The following C6orf163 variants were observed in gnomAD, a reference collection of about 807,000 sequenced individuals.
C6orf163 encodes the protein chromosome 6 open reading frame 163.
C6orf163 carries 22 observed loss-of-function variants against 28.4 expected under a neutral mutation model. The observed-to-expected ratio is 0.78, with a 90% confidence interval of 0.55 to 1.11. The LOEUF (loss-of-function observed/expected upper bound fraction) is 1.11, where lower values mean the gene tolerates loss of function less well. Among genes scored for constraint, C6orf163 ranks in the 50% least tolerant of loss-of-function variants. The pLI, the probability that C6orf163 is intolerant of heterozygous loss-of-function variation, is 0.00. For synonymous variants in C6orf163, 110 were observed against 123.6 expected (o/e 0.89, Z 0.73); for missense variants, 342 against 389.1 (o/e 0.88, Z 1.02).
rs1238954744 is a variant in C6orf163 at position 87,348,900 on chromosome 6, G to T, written c.237G>T (p.Trp79Cys). Residue 79 changes from tryptophan (W) to cysteine (C), a missense_variant, in exon 2 of 5, where the codon TGG (tryptophan) becomes TGT (cysteine). Transcript: ENST00000388923. Reference protein sequence around the residue: ...EHIAKAEAEVWAQANERQKQA... With the variant: ...EHIAKAEAEVCAQANERQKQA... ...TTGCGAAAGCAGAAGCTGAAGTATG[G>T]GCTCAGGTAAAAGAAGTTACATGTC... 6.5e-7 allele frequency: 1 copy of T among 1,537,020 alleles called. No individual in the cohort carries two copies. Among genetic ancestry groups the T allele is most frequent in the Non-Finnish European group, 8.7e-7 (1 of 1,146,832 alleles).
In C6orf163 at chr6:87,348,816, TGGG is replaced by T; in HGVS notation, c.155_157del (p.Gly52del). The T allele has an allele frequency of 6.5e-7, 1 of 1,537,250 alleles. No homozygotes were observed. The highest frequency in any genetic ancestry group is 8.7e-7 in the Non-Finnish European group (1 of 1,146,854). On this transcript the variant is annotated inframe_deletion, in exon 2 of 5. Transcript: ENST00000388923. ...CATTGCTCTTCAAATACACAGATAT[TGGG>T]GCAAATATTCTGAAAAAAGAAGAGC... is the stretch of plus-strand genomic sequence containing the variant.
At chr6:87,360,886 T>A (rs1777570790) in intron 4 of C6orf163, among the ~76,000 whole-genome samples, 1 of 152,076 alleles carries the variant, frequency 6.6e-6, no homozygotes, top group Non-Finnish European at 1.5e-5. Flanking sequence ...CAAAGATAAA[T>A]GGTCATTGCA....
At chr6:87,356,609 GT>G in intron 4 of C6orf163, 106 bp downstream of exon 4, 2 of 1,012,216 alleles carry the variant, frequency 2.0e-6, no homozygotes, top group South Asian at 1.7e-5. Context: ...CAGTTTTTGT[GT>G]TTTTACATTT....
intron 3 of C6orf163, among the ~76,000 whole-genome samples, chr6:87,355,687 T>C (rs1174838261): frequency 1.3e-5 from 2 of 152,246 alleles, no homozygotes; most frequent in East Asian, 3.8e-4. Context: ...ACAGTTACGT[T>C]GTTGGCCTCC....
intron 2 of C6orf163, among the ~76,000 whole-genome samples, chr6:87,349,656 ATAGTAT>A (rs1224423342): frequency 1.2e-4 from 19 of 152,240 alleles, no homozygotes; most frequent in African/African-American, 4.6e-4. Context: ...ATTATAGCAA[ATAGTAT>A]TAGCATTGCT....
chr6:87,347,553 T>C, intron 1 of C6orf163: 1 of 985,452 alleles, frequency 1.0e-6, no homozygotes, highest in Non-Finnish European at 1.2e-6. Context: ...TCCACCGTAA[T>C]ATATGCTGCC....
intron 3 of C6orf163, among the ~76,000 whole-genome samples, chr6:87,352,947 ATC>A (rs1435233972): frequency 6.6e-6 from 1 of 152,208 alleles, no homozygotes; most frequent in East Asian, 1.9e-4. Context: ...TTCTTACAAT[ATC>A]TCAAAACGTG....
chr6:87,354,312 C>T (rs925781568), intron 3 of C6orf163, among the ~76,000 whole-genome samples: 2 of 152,116 alleles, frequency 1.3e-5, no homozygotes, highest in African/African-American at 4.8e-5. Flanking sequence ...TGATTTGATA[C>T]CTACAAAGAG....
At chr6:87,352,258 C>T (rs1052382132) in intron 3 of C6orf163, among the ~76,000 whole-genome samples, 1 of 152,188 alleles carries the variant, frequency 6.6e-6, no homozygotes, top group African/African-American at 2.4e-5. Context: ...AGTACTACTT[C>T]TCAGGGCTTG....
chr6:87,357,094 A>G (rs1777514110), intron 4 of C6orf163: 1 of 154,124 alleles, frequency 6.5e-6, no homozygotes. Context: ...AGAGACAGTT[A>G]TTTTAAACAA....
At chr6:87,355,560 CA>C (rs550842170) in intron 3 of C6orf163, among the ~76,000 whole-genome samples, 3 of 149,028 alleles carry the variant, frequency 2.0e-5, no homozygotes, top group Admixed American at 6.7e-5. Flanking sequence ...GAACCTGTCT[CA>C]AAAAAAAACA....
chr6:87,347,353 A>G, intron 1 of C6orf163: 1 of 973,778 alleles, frequency 1.0e-6, no homozygotes, highest in Non-Finnish European at 1.2e-6. Context: ...CCTGTTGTAC[A>G]ATCAGGGTTG....
rs1212560165 is a variant in C6orf163 at position 87,347,882 on chromosome 6, A to G, written c.149-930A>G. 3 of 984,618 alleles carry G rather than the reference A, an allele frequency of 3.0e-6. No individual in the cohort carries two copies. In the African/African-American group the frequency reaches 5.2e-5, roughly 17 times the overall value. The allele number at this position is 984,618 out of a possible 1,614,324, so 61.0% of individuals were successfully genotyped here. ...TAGAAATCCCAGAGGAAGACCAGGC[A>G]TGGTGGCTCACGCCTGTAATCCTAG... On this transcript the variant is annotated intron_variant, in intron 1 of 4. Coordinates refer to ENST00000388923, the MANE Select transcript of C6orf163 (RefSeq NM_001010868.3).
chr6:87,354,058 C>T (rs1183445979), intron 3 of C6orf163, among the ~76,000 whole-genome samples: 1 of 152,090 alleles, frequency 6.6e-6, no homozygotes. Context: ...GCCATGTTGG[C>T]CTGGCAGCCA....
intron 4 of C6orf163, among the ~76,000 whole-genome samples, chr6:87,362,905 A>G (rs902101984): frequency 6.6e-6 from 1 of 152,202 alleles, no homozygotes; most frequent in Non-Finnish European, 1.5e-5. Context: ...TGCTCAAACT[A>G]TGTTAACTGC....
intron 4 of C6orf163, chr6:87,358,005 A>G (rs1372314222): frequency 6.6e-6 from 1 of 152,178 alleles, no homozygotes; most frequent in Non-Finnish European, 1.5e-5. Flanking sequence ...ATATTTATTG[A>G]ACAAATGGTT....
chr6:87,356,131 A>G lies in C6orf163; in HGVS notation c.352-170A>G, dbSNP rs981904096. On this transcript the variant is annotated intron_variant, in intron 3 of 4. Transcript: ENST00000388923. ...TTTGTACATTTTTGGTTCACCTAAC[A>G]TCATATAAATAAAAGTTTTCCATAT... The G allele has an allele frequency of 5.4e-5, 33 of 607,910 alleles. No individual in the cohort carries two copies. In the East Asian group the frequency reaches 8.0e-4, roughly 15 times the overall value. The allele number at this position is 607,910 out of a possible 1,614,324, so 37.7% of individuals were successfully genotyped here.
chr6:87,364,693 T>C (rs1777621809), intron 4 of C6orf163, among the ~76,000 whole-genome samples: 1 of 152,140 alleles, frequency 6.6e-6, no homozygotes, highest in Admixed American at 6.6e-5. Context: ...CTGAAAAAGG[T>C]GATCTCAGGT....
At chr6:87,350,582 A>C in intron 3 of C6orf163, 81 bp downstream of exon 3, 1 of 790,416 alleles carries the variant, frequency 1.3e-6, no homozygotes, top group Non-Finnish European at 2.0e-6. Context: ...ATGAGAAAAA[A>C]ATAATAAGGA....
Sources: gnomAD v4.1 joint callset for allele counts (sites outside exome capture counted in the v4.1 genomes callset) on GRCh38, gnomAD v4.1.1 for gene constraint, MANE v1.5 for transcripts, NCBI Gene and HGNC (gene_info 2026-07-23, HGNC 2026-07-21) for gene names.